Variants in HDAC9 observed in about 807,000 individuals in gnomAD.
The protein encoded by HDAC9 is histone deacetylase 9.
HDAC9 carries 41 observed loss-of-function variants against 139.4 expected under a neutral mutation model. The observed-to-expected ratio is 0.29, with a 90% CI of 0.23 to 0.38. The LOEUF (loss-of-function observed/expected upper bound fraction) is 0.38. Ranked by LOEUF, HDAC9 falls within the 10% of genes least tolerant of loss-of-function variation. The pLI, the probability that HDAC9 is intolerant of heterozygous loss-of-function variation, is 1.00. For synonymous variants in HDAC9, 517 were observed against 476.2 expected (o/e 1.09, Z -1.12); for missense variants, 1,147 against 1,297.0 (o/e 0.88, Z 1.78).
intron 21 of HDAC9, among the ~76,000 whole-genome samples, chr7:18,869,250 C>T (rs1404104184): frequency 6.6e-6 from 1 of 151,062 alleles, no homozygotes. Flanking sequence ...CACCAAATCT[C>T]ATGTCAAAAT....
intron 6 of HDAC9, among the ~76,000 whole-genome samples, chr7:18,622,083 A>G (rs1840360914): frequency 6.6e-6 from 1 of 152,168 alleles, no homozygotes; most frequent in African/African-American, 2.4e-5. Context: ...AAACATTTAA[A>G]TATGGCAGCT....
chr7:18,635,857 C>G (rs1783722995), intron 8 of HDAC9, among the ~76,000 whole-genome samples: 1 of 152,220 alleles, frequency 6.6e-6, no homozygotes, highest in Middle Eastern at 3.4e-3. Context: ...GCTCACTTCA[C>G]TGTCTCCTGA....
At chr7:18,560,131 C>T (rs865858421) in intron 2 of HDAC9, among the ~76,000 whole-genome samples, 14 of 152,134 alleles carry the variant, frequency 9.2e-5, no homozygotes, top group African/African-American at 2.9e-4. Context: ...CTGGAGATCT[C>T]AAGATTCATG....
intron 1 of HDAC9, among the ~76,000 whole-genome samples, chr7:18,105,106 CTACATCTAGATGCTTTCTAGATGGGGAT>C (rs1257215878): frequency 1.6e-4 from 24 of 148,882 alleles, no homozygotes; most frequent in Non-Finnish European, 2.8e-4. Flanking sequence ...GAGATTTCAT[CTACATCTAGATGCTTTCTAGATGGGGAT>C]TTCATCTACA....
At chr7:18,503,767 C>T (rs1799016595) in intron 2 of HDAC9, among the ~76,000 whole-genome samples, 1 of 152,164 alleles carries the variant, frequency 6.6e-6, no homozygotes, top group Non-Finnish European at 1.5e-5. Context: ...TTATGGTTCA[C>T]CACTTGTATC....
Position 18,404,495 on chromosome 7 carries a change from T to A in HDAC9, c.-41-91767T>A, listed in dbSNP as rs1156401875. Among the ~76,000 whole-genome samples, 10 of 152,254 alleles carry A rather than the reference T, an allele frequency of 6.6e-5. No homozygotes were observed. In the East Asian group the frequency reaches 1.9e-3, roughly 29 times the overall value. On this transcript the variant is annotated intron_variant, in intron 1 of 3. Coordinates refer to the HDAC9 transcript ENST00000413509. Reference sequence around the variant, plus strand: ...TACAGGGTAAGGGCTGTGTCTAACTTGTTTCCAGTGCTTAGTGCCTAGGCA... The same window carrying A: ...TACAGGGTAAGGGCTGTGTCTAACTAGTTTCCAGTGCTTAGTGCCTAGGCA...
chr7:18,492,827 T>G (rs1266191682), upstream of HDAC9, among the ~76,000 whole-genome samples: 1 of 151,998 alleles, frequency 6.6e-6, no homozygotes, highest in Non-Finnish European at 1.5e-5. Context: ...GGAAATATGG[T>G]AATCAATATA....
At chr7:18,520,965 A>G (rs192422852) in intron 2 of HDAC9, among the ~76,000 whole-genome samples, 2 of 152,342 alleles carry the variant, frequency 1.3e-5, no homozygotes, top group East Asian at 3.9e-4. Flanking sequence ...TAATAAAGCC[A>G]TGAGAATGAC....
chr7:18,606,698 AT>A (rs536705971), intron 6 of HDAC9, among the ~76,000 whole-genome samples: 142 of 152,220 alleles, frequency 9.3e-4, no homozygotes, highest in African/African-American at 3.2e-3. Context: ...TTAAAGTAAT[AT>A]TTTTTTCTAG....
At chr7:18,604,740 A>C (rs1347630607) in intron 6 of HDAC9, among the ~76,000 whole-genome samples, 1 of 152,034 alleles carries the variant, frequency 6.6e-6, no homozygotes, top group Non-Finnish European at 1.5e-5. Flanking sequence ...TTTGATCTCC[A>C]GCATTCCCTT....
chr7:18,624,353 G>T (rs1178727377), intron 6 of HDAC9, among the ~76,000 whole-genome samples: 1 of 152,084 alleles, frequency 6.6e-6, no homozygotes. Flanking sequence ...AGAGAAAAAG[G>T]TATTGGGTCT....
chr7:18,626,743 G>C (rs1008708782), intron 6 of HDAC9, among the ~76,000 whole-genome samples: 1 of 152,174 alleles, frequency 6.6e-6, no homozygotes, highest in Non-Finnish European at 1.5e-5. Context: ...TTCTCAAGTA[G>C]ACAAACAGGA....
At chr7:18,174,202 CT>C (rs2128135698) in intron 2 of HDAC9, among the ~76,000 whole-genome samples, 1 of 152,248 alleles carries the variant, frequency 6.6e-6, no homozygotes, top group East Asian at 1.9e-4. Flanking sequence ...TTAATTTGAT[CT>C]TCAATCACTG....
chr7:18,731,105 T>C (rs962084907), intron 13 of HDAC9, among the ~76,000 whole-genome samples: 4 of 152,174 alleles, frequency 2.6e-5, no homozygotes, highest in African/African-American at 9.7e-5. Context: ...CTGCTCAGAA[T>C]GATGCGCAAT....
intron 21 of HDAC9, among the ~76,000 whole-genome samples, chr7:18,856,971 C>G (rs1474355278): frequency 1.3e-5 from 2 of 152,090 alleles, no homozygotes. Context: ...TGCAGTTATT[C>G]AGTCTGTTCA....
intron 1 of HDAC9, among the ~76,000 whole-genome samples, chr7:18,329,570 CA>C (rs899990887): frequency 5.5e-5 from 8 of 145,004 alleles, no homozygotes; most frequent in African/African-American, 2.0e-4. Context: ...AAAAAAAAAA[CA>C]GTGAATGGAA....
chr7:18,791,221 A>G (rs144005786), intron 16 of HDAC9, among the ~76,000 whole-genome samples: 11 of 152,204 alleles, frequency 7.2e-5, no homozygotes, highest in African/African-American at 2.6e-4. Context: ...CTTATGATGT[A>G]CTCCAAAGTT....
chr7:18,585,895 A>G (rs553204130), intron 3 of HDAC9, among the ~76,000 whole-genome samples: 1 of 152,208 alleles, frequency 6.6e-6, no homozygotes, highest in East Asian at 1.9e-4. Flanking sequence ...TACATGTACT[A>G]TTTGTGAGAA....
intron 13 of HDAC9, among the ~76,000 whole-genome samples, chr7:18,730,565 A>G (rs1036602932): frequency 2.6e-5 from 4 of 152,184 alleles, no homozygotes; most frequent in South Asian, 2.1e-4. Flanking sequence ...TACAACAGCC[A>G]GTAGTATTGA....
Sources: gnomAD v4.1 joint callset for allele counts (sites outside exome capture counted in the v4.1 genomes callset) on GRCh38, gnomAD v4.1.1 for gene constraint, MANE v1.5 for transcripts, NCBI Gene and HGNC (gene_info 2026-07-23, HGNC 2026-07-21) for gene names.